Variants in CHST11 observed in about 807,000 individuals in gnomAD.
CHST11 encodes the protein carbohydrate sulfotransferase 11, also known as C4S-1.
Under a neutral mutation model 30.4 loss-of-function variants are expected in CHST11, and 9 were observed. The observed-to-expected ratio is 0.30, with a 90% CI of 0.18 to 0.52. The LOEUF (loss-of-function observed/expected upper bound fraction) is 0.52. Ranked by LOEUF, CHST11 falls within the 20% of genes least tolerant of loss-of-function variation. The probability of loss-of-function intolerance (pLI) is 0.97; values close to 1 mark genes in which losing one functional copy is unlikely to be tolerated. For synonymous variants in CHST11, 152 were observed against 187.8 expected (o/e 0.81, Z 1.56); for missense variants, 348 against 460.6 (o/e 0.76, Z 2.24).
chr12:104,575,153 A>C (rs1008724414), intron 1 of CHST11, among the ~76,000 whole-genome samples: 2 of 151,982 alleles, frequency 1.3e-5, no homozygotes, highest in Non-Finnish European at 2.9e-5. Flanking sequence ...AGACTGTGCC[A>C]CTGCACCCCA....
At position 104,457,311 on chromosome 12, in the gene CHST11, G is replaced by GC; in HGVS notation, c.-97dup. On this transcript the variant is annotated 5_prime_UTR_variant, in exon 1 of 3. Transcript: ENST00000303694. ...CTCCCTCTGAGCCTTGCTCAGCTCTGCCCCGCGCCTCCCGGGCTCCGGTCC... is the reference window on the plus strand; with the variant it reads ...CTCCCTCTGAGCCTTGCTCAGCTCTGCCCCCGCGCCTCCCGGGCTCCGGTCC... The GC allele has an allele frequency of 1.3e-6, 1 of 763,052 alleles. No homozygotes were observed. Among genetic ancestry groups the GC allele is most frequent in the Middle Eastern group, 3.6e-4 (1 of 2,764 alleles). 47.3% of individuals were successfully genotyped at this position (763,052 alleles called of 1,614,324 possible).
intron 1 of CHST11, among the ~76,000 whole-genome samples, chr12:104,460,846 GTTA>G (rs2037401520): frequency 6.6e-6 from 1 of 152,178 alleles, no homozygotes; most frequent in Non-Finnish European, 1.5e-5. Flanking sequence ...CAGTAGGATA[GTTA>G]CATTTAGAAG....
At chr12:104,646,343 G>C (rs2039430205) in intron 2 of CHST11, among the ~76,000 whole-genome samples, 1 of 152,128 alleles carries the variant, frequency 6.6e-6, no homozygotes, top group Non-Finnish European at 1.5e-5. Context: ...TTCAGACCTT[G>C]TCTTAAATGT....
At chr12:104,522,959 C>T (rs975166656) in intron 1 of CHST11, among the ~76,000 whole-genome samples, 2 of 152,108 alleles carry the variant, frequency 1.3e-5, no homozygotes, top group Non-Finnish European at 2.9e-5. Context: ...GATTTGGGCT[C>T]TGTTCACAGC....
At chr12:104,532,834 G>A (rs1325285408) in intron 1 of CHST11, among the ~76,000 whole-genome samples, 1 of 152,030 alleles carries the variant, frequency 6.6e-6, no homozygotes, top group East Asian at 1.9e-4. Context: ...ACCCCAGACA[G>A]TGGCCCCCAC....
intron 2 of CHST11, among the ~76,000 whole-genome samples, chr12:104,637,294 A>C: frequency 1.2e-5 from 1 of 82,460 alleles, no homozygotes; most frequent in Non-Finnish European, 2.2e-5. Flanking sequence ...CATGGGAGTG[A>C]GACCCTGTAA....
chr12:104,726,686 T>A (rs1004500862), intron 2 of CHST11, among the ~76,000 whole-genome samples: 26 of 152,064 alleles, frequency 1.7e-4, no homozygotes, highest in African/African-American at 6.0e-4. Flanking sequence ...TGGGAAAGGG[T>A]GTGCCAGGAT....
chr12:104,689,784 C>G (rs1311552542), intron 2 of CHST11, among the ~76,000 whole-genome samples: 1 of 152,108 alleles, frequency 6.6e-6, no homozygotes, highest in Non-Finnish European at 1.5e-5. Flanking sequence ...ACTAGACAGA[C>G]AAGCCCAGTT....
chr12:104,536,136 C>G (rs905626140), intron 1 of CHST11, among the ~76,000 whole-genome samples: 1 of 152,056 alleles, frequency 6.6e-6, no homozygotes, highest in Non-Finnish European at 1.5e-5. Flanking sequence ...CTGGCAGGGA[C>G]GTGAAAATGA....
intron 1 of CHST11, among the ~76,000 whole-genome samples, chr12:104,501,317 A>G (rs1342688465): frequency 6.6e-6 from 1 of 152,132 alleles, no homozygotes; most frequent in African/African-American, 2.4e-5. Context: ...TGTGTCCTTG[A>G]TGGACACATA....
chr12:104,529,341 C>G (rs1385771044), intron 1 of CHST11, among the ~76,000 whole-genome samples: 1 of 152,178 alleles, frequency 6.6e-6, no homozygotes, highest in African/African-American at 2.4e-5. Context: ...CATCCCTGGC[C>G]CTGCCACTTA....
At chr12:104,690,421 G>A (rs954179681) in intron 2 of CHST11, among the ~76,000 whole-genome samples, 1 of 152,152 alleles carries the variant, frequency 6.6e-6, no homozygotes. Context: ...TGTTGGGTAG[G>A]AATAAAAGTC....
chr12:104,494,783 T>A (rs1444990723), intron 1 of CHST11, among the ~76,000 whole-genome samples: 1 of 152,202 alleles, frequency 6.6e-6, no homozygotes, highest in Non-Finnish European at 1.5e-5. Context: ...GTGGGTAGAT[T>A]TTTAAAAATA....
chr12:104,640,595 G>A (rs573433962), intron 2 of CHST11, among the ~76,000 whole-genome samples: 1 of 152,328 alleles, frequency 6.6e-6, no homozygotes, highest in Admixed American at 6.5e-5. Flanking sequence ...CAGGGTTTCA[G>A]GAGGTGGGGA....
chr12:104,485,495 A>G (rs2103391), intron 1 of CHST11, among the ~76,000 whole-genome samples: 86,319 of 152,040 alleles, frequency 0.57, 24,872 homozygotes, highest in Admixed American at 0.65. Context: ...ACCTTTGGGA[A>G]CCTCGCTGTT....
intron 2 of CHST11, among the ~76,000 whole-genome samples, chr12:104,733,951 G>A (rs1370779965): frequency 6.6e-6 from 1 of 152,204 alleles, no homozygotes; most frequent in Non-Finnish European, 1.5e-5. Flanking sequence ...GCCCAGCCCT[G>A]GCAAAAGTGT....
intron 2 of CHST11, among the ~76,000 whole-genome samples, chr12:104,659,424 C>A (rs146785516): frequency 6.6e-6 from 1 of 152,280 alleles, no homozygotes; most frequent in Non-Finnish European, 1.5e-5. Context: ...GCCATCACTG[C>A]CCCGATCCTC....
intron 2 of CHST11, among the ~76,000 whole-genome samples, chr12:104,636,578 C>T (rs2039324948): frequency 6.6e-6 from 1 of 152,076 alleles, no homozygotes; most frequent in African/African-American, 2.4e-5. Flanking sequence ...ATTTTTGTGC[C>T]GTTTATTTAT....
At chr12:104,585,320 CA>C (rs2038792883) in intron 1 of CHST11, among the ~76,000 whole-genome samples, 2 of 152,318 alleles carry the variant, frequency 1.3e-5, no homozygotes, top group South Asian at 4.1e-4. Context: ...GTTAACTGTG[CA>C]ACAGCTCCTC....
Sources: gnomAD v4.1 joint callset for allele counts (sites outside exome capture counted in the v4.1 genomes callset) on GRCh38, gnomAD v4.1.1 for gene constraint, MANE v1.5 for transcripts, NCBI Gene and HGNC (gene_info 2026-07-23, HGNC 2026-07-21) for gene names.